DOK5: variants seen among roughly 807,000 people sequenced by gnomAD.
DOK5 encodes docking protein 5.
Under a neutral mutation model 43.3 loss-of-function variants are expected in DOK5, and 27 were observed. The observed-to-expected ratio is 0.62, with a 90% CI of 0.46 to 0.86. DOK5 has a LOEUF of 0.86. Ranked by LOEUF, DOK5 falls within the 40% of genes least tolerant of loss-of-function variation. The pLI, the probability that DOK5 is intolerant of heterozygous loss-of-function variation, is 0.00. For synonymous variants in DOK5, 146 were observed against 140.1 expected, an observed-to-expected ratio of 1.04 and a Z score of -0.30; for missense variants, 373 against 392.9, an observed-to-expected ratio of 0.95 and a Z score of 0.43.
At chr20:54,606,336 G>A (rs1408186684) in intron 5 of DOK5, among the ~76,000 whole-genome samples, 2 of 152,070 alleles carry the variant, frequency 1.3e-5, no homozygotes, top group African/African-American at 4.8e-5. Context: ...CGGAGTGTTT[G>A]GGCCACTTGG....
chr20:54,557,938 AT>A, intron 2 of DOK5, among the ~76,000 whole-genome samples: 1 of 152,138 alleles, frequency 6.6e-6, no homozygotes, highest in Non-Finnish European at 1.5e-5. Context: ...AAAGACAGGG[AT>A]TTTTTGGGGA....
At chr20:54,547,712 C>A (rs1267772295) in intron 1 of DOK5, among the ~76,000 whole-genome samples, 2 of 152,096 alleles carry the variant, frequency 1.3e-5, no homozygotes, top group Admixed American at 1.3e-4. Flanking sequence ...ATAATAAAAT[C>A]ACCACCACCA....
rs767335297 is a variant in DOK5, at chr20:54,643,476, G to C, written c.754G>C (p.Glu252Gln). Residue 252 changes from glutamate to glutamine, a missense_variant, in exon 7 of 8, where the codon GAG becomes CAG. By Grantham distance (29) the Glu-to-Gln change is conservative (BLOSUM62 2). Coordinates refer to ENST00000262593, the MANE Select transcript of DOK5 (RefSeq NM_018431.5). ...GCTGCAGCTCCAGATGAAGATGAGT[G>C]AGCGGGCCGCCTCGCTGAGCACCAT... ...KNSMLQMKMS[E>Q]RAASLSTMVP... The C allele has an allele frequency of 1.9e-6, 3 of 1,613,628 alleles. No homozygotes were observed. Among genetic ancestry groups the C allele is most frequent in the Non-Finnish European group, 2.5e-6 (3 of 1,180,044 alleles).
intron 2 of DOK5, among the ~76,000 whole-genome samples, chr20:54,559,668 G>A (rs1285992457): frequency 6.6e-6 from 1 of 152,218 alleles, no homozygotes; most frequent in East Asian, 1.9e-4. Context: ...GAGGGACTTT[G>A]AGTCAGCATT....
intron 1 of DOK5, among the ~76,000 whole-genome samples, chr20:54,515,385 C>A (rs1201651739): frequency 1.3e-5 from 2 of 152,168 alleles, no homozygotes; most frequent in Non-Finnish European, 2.9e-5. Context: ...GGGAAACAAC[C>A]AATGAACAAG....
chr20:54,593,002 T>A (rs931240434), intron 5 of DOK5, among the ~76,000 whole-genome samples: 5 of 152,318 alleles, frequency 3.3e-5, no homozygotes, highest in African/African-American at 1.2e-4. Context: ...ACTCTTGATA[T>A]AAGGAAAGTA....
chr20:54,642,163 C>T (rs1348601259), intron 6 of DOK5, among the ~76,000 whole-genome samples: 2 of 152,054 alleles, frequency 1.3e-5, no homozygotes, highest in Non-Finnish European at 2.9e-5. Context: ...CCTACAGGCT[C>T]TTTTCTCTCT....
chr20:54,562,741 A>T (rs1415634009), intron 2 of DOK5, among the ~76,000 whole-genome samples: 2 of 113,408 alleles, frequency 1.8e-5, no homozygotes, highest in Admixed American at 9.4e-5. Context: ...TATTTACATT[A>T]AAAAAATCAA....
chr20:54,476,109 G>C, intron 1 of DOK5, 97 bp downstream of exon 1: 3 of 1,570,494 alleles, frequency 1.9e-6, no homozygotes, highest in Non-Finnish European at 1.7e-6. Context: ...CCCCGGCCGC[G>C]CGCCGGAGAA....
At position 54,478,571 on chromosome 20, in the gene DOK5, T is replaced by C. The variant is rs910487209; in HGVS notation, c.66+2559T>C. On this transcript the variant is annotated intron_variant, in intron 1 of 7. Transcript: ENST00000262593. ...GCATTTATTAATGGAATCCAGACCA[T>C]GTTTGGGACGGTTTATAATTAAATA... Among the ~76,000 whole-genome samples the C allele has an allele frequency of 3.6e-4, 55 of 152,220 alleles. 1 individual carries two copies. The highest frequency in any genetic ancestry group is 8.8e-5 in the Non-Finnish European group (6 of 68,034).
chr20:54,560,668 T>C (rs1312992586), intron 2 of DOK5, among the ~76,000 whole-genome samples: 2 of 152,192 alleles, frequency 1.3e-5, no homozygotes, highest in Non-Finnish European at 2.9e-5. Flanking sequence ...TTGCCCAGGC[T>C]GGAGCGCAAT....
At chr20:54,480,534 G>A (rs554877804) in intron 1 of DOK5, among the ~76,000 whole-genome samples, 1 of 152,232 alleles carries the variant, frequency 6.6e-6, no homozygotes, top group South Asian at 2.1e-4. Flanking sequence ...CATAAAAATG[G>A]GCAACCAGCA....
At chr20:54,624,581 G>T (rs1399790442) in intron 6 of DOK5, among the ~76,000 whole-genome samples, 3 of 152,214 alleles carry the variant, frequency 2.0e-5, no homozygotes, top group African/African-American at 4.8e-5. Context: ...CAGGGCACAG[G>T]TTCCAGGCAA....
At chr20:54,506,893 A>G (rs1156304609) in intron 1 of DOK5, among the ~76,000 whole-genome samples, 1 of 152,230 alleles carries the variant, frequency 6.6e-6, no homozygotes, top group African/African-American at 2.4e-5. Flanking sequence ...GAAGCAGTGC[A>G]GCTTTCGGGG....
At chr20:54,500,731 T>C (rs919810692) in intron 1 of DOK5, among the ~76,000 whole-genome samples, 4 of 151,952 alleles carry the variant, frequency 2.6e-5, no homozygotes, top group Admixed American at 2.6e-4. Flanking sequence ...CCGGCTAATT[T>C]TGTATTTTTA....
intron 1 of DOK5, among the ~76,000 whole-genome samples, chr20:54,510,636 A>G (rs1411963316): frequency 6.6e-6 from 1 of 152,198 alleles, no homozygotes. Flanking sequence ...TTTGGAAAGA[A>G]CAACTCTCCT....
intron 7 of DOK5, among the ~76,000 whole-genome samples, chr20:54,650,195 T>C (rs1979633727): frequency 6.6e-6 from 1 of 152,314 alleles, no homozygotes; most frequent in South Asian, 2.1e-4. Context: ...AAATAATTGC[T>C]AATGGACTGA....
At chr20:54,476,295 C>T (rs1179328098) in intron 1 of DOK5, 1 of 870,722 alleles carries the variant, frequency 1.1e-6, no homozygotes, top group Non-Finnish European at 1.4e-6. Context: ...AAATATTTCT[C>T]GGTAGCCATG....
chr20:54,496,765 CAAAAAAA>C (rs74179280), intron 1 of DOK5, among the ~76,000 whole-genome samples: 1 of 59,508 alleles, frequency 1.7e-5, no homozygotes, highest in East Asian at 5.6e-4. Flanking sequence ...GACTCCGTCT[CAAAAAAA>C]AAAAAAAAAA....
Sources: allele counts gnomAD v4.1 joint callset (sites outside exome capture counted in the v4.1 genomes callset), GRCh38; gene constraint gnomAD v4.1.1; transcripts MANE v1.5; gene names NCBI Gene and HGNC (gene_info 2026-07-23, HGNC 2026-07-21).